UBAP1: variants seen among roughly 807,000 people sequenced by gnomAD.
The protein encoded by UBAP1 is ubiquitin associated protein 1, also known as ubiquitin-associated protein 1.
In UBAP1, 5 loss-of-function variants were observed where a neutral mutation model predicts 39.0. The observed-to-expected ratio is 0.13, with a 90% CI of 0.07 to 0.27. The LOEUF (loss-of-function observed/expected upper bound fraction) is 0.27. Ranked by LOEUF, UBAP1 falls within the 10% of genes least tolerant of loss-of-function variation. The pLI, the probability that UBAP1 is intolerant of heterozygous loss-of-function variation, is 1.00. For synonymous variants in UBAP1, 211 were observed against 225.1 expected (o/e 0.94, Z 0.56); for missense variants, 490 against 608.1 (o/e 0.81, Z 2.04).
intron 1 of UBAP1, among the ~76,000 whole-genome samples, chr9:34,210,457 A>G (rs1013890756): frequency 4.6e-5 from 7 of 152,162 alleles, no homozygotes; most frequent in Non-Finnish European, 8.8e-5. Flanking sequence ...GGTGGCTCAC[A>G]CCTGTAATCT....
chr9:34,231,551 TTCCA>T (rs1457328782), intron 2 of UBAP1, among the ~76,000 whole-genome samples: 1 of 151,668 alleles, frequency 6.6e-6, no homozygotes, highest in East Asian at 2.0e-4. Flanking sequence ...ATTGAACAAA[TTCCA>T]TGAGCCATAC....
intron 4 of UBAP1, among the ~76,000 whole-genome samples, chr9:34,248,424 A>G (rs1834290323): frequency 6.6e-6 from 1 of 152,222 alleles, no homozygotes; most frequent in South Asian, 2.1e-4. Flanking sequence ...TGAGAAGGGC[A>G]GGCAGTTGAA....
At chr9:34,196,830 G>A (rs1831087329) in intron 1 of UBAP1, among the ~76,000 whole-genome samples, 1 of 151,142 alleles carries the variant, frequency 6.6e-6, no homozygotes, top group Non-Finnish European at 1.5e-5. Context: ...TCCGCTCTAA[G>A]ATTTGCTTTT....
At chr9:34,183,950 A>G (rs900902297) in intron 1 of UBAP1, among the ~76,000 whole-genome samples, 3 of 151,854 alleles carry the variant, frequency 2.0e-5, no homozygotes, top group Admixed American at 6.6e-5. Context: ...TTGTGTTTTT[A>G]GTAGAGACGG....
At chr9:34,208,971 G>A (rs988442099) in intron 1 of UBAP1, among the ~76,000 whole-genome samples, 1 of 151,800 alleles carries the variant, frequency 6.6e-6, no homozygotes, top group Non-Finnish European at 1.5e-5. Context: ...GTCTCACTCT[G>A]TTGCTCAGGC....
At chr9:34,186,564 A>G (rs1043029778) in intron 1 of UBAP1, among the ~76,000 whole-genome samples, 2 of 151,696 alleles carry the variant, frequency 1.3e-5, no homozygotes, top group Admixed American at 6.6e-5. Context: ...TTTTTTTTCT[A>G]ATCTGGTGGG....
Position 34,241,494 on chromosome 9 carries a change from G to T in UBAP1, c.469G>T (p.Ala157Ser). The change falls in exon 4 of 7, where the codon GCT (alanine) becomes TCT (serine). Residue 157 changes from alanine (A) to serine (S), a missense_variant. Coordinates refer to ENST00000297661, the MANE Select transcript of UBAP1 (RefSeq NM_016525.5). ...PPHIKADFNL[A>S]DFECEEDPFD... The stretch of plus-strand genomic sequence containing the variant: ...TCACATAAAGGCGGATTTCAATCTT[G>T]CTGACTTTGAGTGTGAAGAAGACCC... The T allele has an allele frequency of 1.9e-6, 3 of 1,614,068 alleles. No homozygotes were observed. Among genetic ancestry groups the T allele is most frequent in the Non-Finnish European group, 2.5e-6 (3 of 1,180,000 alleles).
chr9:34,231,953 G>C (rs138474783), intron 2 of UBAP1, among the ~76,000 whole-genome samples: 4 of 151,986 alleles, frequency 2.6e-5, no homozygotes, highest in Admixed American at 2.0e-4. Context: ...TTCTTGCTCA[G>C]ACTCTCTGAA....
At chr9:34,242,853 C>T (rs773168372) in intron 4 of UBAP1, among the ~76,000 whole-genome samples, 8 of 152,240 alleles carry the variant, frequency 5.3e-5, no homozygotes, top group East Asian at 1.9e-4. Flanking sequence ...TGTAAAAGCA[C>T]ATCAAGAGAC....
At chr9:34,203,482 T>C (rs565267086) in intron 1 of UBAP1, among the ~76,000 whole-genome samples, 134 of 152,318 alleles carry the variant, frequency 8.8e-4, no homozygotes, top group African/African-American at 3.0e-3. Flanking sequence ...GGCACTATGC[T>C]TGGTGTAATG....
intron 3 of UBAP1, among the ~76,000 whole-genome samples, chr9:34,238,056 T>C (rs1833791243): frequency 6.6e-6 from 1 of 152,196 alleles, no homozygotes; most frequent in Non-Finnish European, 1.5e-5. Context: ...CAGTATCTAC[T>C]TTCTGTCTCT....
chr9:34,224,857 CCTTT>C (rs754020965), intron 2 of UBAP1, among the ~76,000 whole-genome samples: 3 of 152,142 alleles, frequency 2.0e-5, no homozygotes, highest in Non-Finnish European at 4.4e-5. Context: ...AGCTGCTTAG[CCTTT>C]CTTCACTATA....
intron 1 of UBAP1, among the ~76,000 whole-genome samples, chr9:34,193,345 G>A (rs1563888867): frequency 1.3e-5 from 2 of 151,936 alleles, no homozygotes; most frequent in South Asian, 4.2e-4. Flanking sequence ...TTGTGTAGGG[G>A]AAGCTCTCAA....
intron 3 of UBAP1, among the ~76,000 whole-genome samples, chr9:34,236,409 A>AT (rs765468030): frequency 2.0e-5 from 3 of 152,140 alleles, no homozygotes; most frequent in Non-Finnish European, 4.4e-5. Flanking sequence ...CCTAACATGC[A>AT]TTTTTTAGAG....
chr9:34,193,045 G>A (rs1314937103), intron 1 of UBAP1, among the ~76,000 whole-genome samples: 2 of 152,118 alleles, frequency 1.3e-5, no homozygotes, highest in African/African-American at 2.4e-5. Flanking sequence ...AGTGGCCCAC[G>A]TCTGTAATTC....
chr9:34,207,269 C>G (rs1831760117), intron 1 of UBAP1, among the ~76,000 whole-genome samples: 1 of 151,408 alleles, frequency 6.6e-6, no homozygotes, highest in Non-Finnish European at 1.5e-5. Flanking sequence ...TGGTCTCAAA[C>G]TCCTGACCTT....
chr9:34,250,464 G>A (rs2131637419), intron 5 of UBAP1, among the ~76,000 whole-genome samples, 194 bp from the exon 6 acceptor site: 1 of 152,296 alleles, frequency 6.6e-6, no homozygotes, highest in East Asian at 1.9e-4. Context: ...TTAGAAGGCT[G>A]TGCCTGTGTT....
chr9:34,227,778 A>G (rs1232672059), intron 2 of UBAP1, among the ~76,000 whole-genome samples: 2 of 152,248 alleles, frequency 1.3e-5, no homozygotes, highest in Admixed American at 6.5e-5. Flanking sequence ...GAAGATTTTC[A>G]GTAATAAGGA....
chr9:34,202,689 G>A (rs951102833), intron 1 of UBAP1, among the ~76,000 whole-genome samples: 3 of 145,482 alleles, frequency 2.1e-5, no homozygotes, highest in South Asian at 2.2e-4. Context: ...CCCCGTCCCC[G>A]TATATGTATG....
Sources: gnomAD v4.1 joint callset for allele counts (sites outside exome capture counted in the v4.1 genomes callset) on GRCh38, gnomAD v4.1.1 for gene constraint, MANE v1.5 for transcripts, NCBI Gene and HGNC (gene_info 2026-07-23, HGNC 2026-07-21) for gene names.